Variants in TMEM229B observed in about 807,000 individuals in gnomAD.
The protein encoded by TMEM229B is chromosome 14 open reading frame 83.
TMEM229B carries 6 observed loss-of-function variants against 13.7 expected under a neutral mutation model. That is an observed-to-expected ratio of 0.44 (90% CI 0.24 to 0.86). The LOEUF (loss-of-function observed/expected upper bound fraction) is 0.86. Among genes scored for constraint, TMEM229B ranks in the 40% least tolerant of loss-of-function variants. The pLI, the probability that TMEM229B is intolerant of heterozygous loss-of-function variation, is 0.23. For synonymous variants in TMEM229B, 107 were observed against 102.1 expected, an observed-to-expected ratio of 1.05 and a Z score of -0.29; for missense variants, 170 against 236.0, an observed-to-expected ratio of 0.72 and a Z score of 1.83.
chr14:67,474,270 A>AAC (rs1383548317), intron 2 of TMEM229B, among the ~76,000 whole-genome samples: 1 of 140,038 alleles, frequency 7.1e-6, no homozygotes, highest in African/African-American at 2.8e-5. Context: ...CAAAACAAAA[A>AAC]AAAAACAGAG....
intron 2 of TMEM229B, among the ~76,000 whole-genome samples, chr14:67,480,093 G>A (rs148946903): frequency 8.5e-5 from 13 of 152,272 alleles, no homozygotes; most frequent in East Asian, 3.9e-4. Context: ...GAATGAACTC[G>A]TACATATACA....
At chr14:67,494,241 T>G (rs900499080) in intron 1 of TMEM229B, among the ~76,000 whole-genome samples, 9 of 152,222 alleles carry the variant, frequency 5.9e-5, no homozygotes. Context: ...ATTAACCATG[T>G]AATTAGACTG....
intron 1 of TMEM229B, among the ~76,000 whole-genome samples, chr14:67,526,542 C>G (rs2033370270): frequency 6.6e-6 from 1 of 152,194 alleles, no homozygotes. Flanking sequence ...AGTGTTCTAG[C>G]CCCCTTCCCT....
intron 2 of TMEM229B, among the ~76,000 whole-genome samples, chr14:67,482,357 A>G (rs17249111): frequency 0.047 from 7,201 of 152,284 alleles, 211 homozygotes; most frequent in East Asian, 0.097. Context: ...TTTTGTCAAA[A>G]ACTCCCATCT....
At chr14:67,526,535 G>T (rs1021166896) in intron 1 of TMEM229B, among the ~76,000 whole-genome samples, 1 of 152,222 alleles carries the variant, frequency 6.6e-6, no homozygotes, top group Non-Finnish European at 1.5e-5. Context: ...ACATCTCAGT[G>T]TTCTAGCCCC....
At chr14:67,485,232 C>T (rs374286196) in intron 2 of TMEM229B, among the ~76,000 whole-genome samples, 14 of 152,190 alleles carry the variant, frequency 9.2e-5, no homozygotes, top group East Asian at 3.8e-4. Context: ...TGAGGAACGA[C>T]GTTCCCACAG....
chr14:67,473,278 G>T lies in TMEM229B; in HGVS notation c.*142C>A, dbSNP rs1292762743. 31 of 1,198,322 alleles carry T rather than the reference G, an allele frequency of 2.6e-5. No individual in the cohort carries two copies. Among genetic ancestry groups the T allele is most frequent in the Non-Finnish European group, 3.5e-5 (30 of 855,138 alleles). 74.2% of individuals were successfully genotyped at this position (1,198,322 alleles called of 1,614,324 possible). On this transcript the variant is annotated 3_prime_UTR_variant, in exon 3 of 3. Transcript: ENST00000554480. This position sits in a 1 kb window ranked among gnomAD's most constrained non-coding sequence, Gnocchi z 6.5. Reference sequence around the variant, plus strand: ...CCCCCCAACACCGGCCCCCGCGGACGTTAGGGGGCTCTGTGTGCCCTATAG... The same window carrying T: ...CCCCCCAACACCGGCCCCCGCGGACTTTAGGGGGCTCTGTGTGCCCTATAG...
intron 1 of TMEM229B, among the ~76,000 whole-genome samples, chr14:67,509,590 A>T (rs946220818): frequency 1.3e-5 from 2 of 152,168 alleles, no homozygotes; most frequent in Non-Finnish European, 2.9e-5. Context: ...AAGTGCTGGG[A>T]TTACAGGCAT....
At chr14:67,520,157 G>T (rs989540687), upstream of TMEM229B, among the ~76,000 whole-genome samples, 1 of 152,136 alleles carries the variant, frequency 6.6e-6, no homozygotes, top group Non-Finnish European at 1.5e-5. Flanking sequence ...TCGTATATTT[G>T]TTACAACTGA....
At chr14:67,508,762 A>AAAAAAAAAAAAAAAAAC (rs1345627312) in intron 1 of TMEM229B, among the ~76,000 whole-genome samples, 3 of 150,356 alleles carry the variant, frequency 2.0e-5, no homozygotes, top group Non-Finnish European at 3.0e-5. Context: ...TCAAAAAAAA[A>AAAAAAAAAAAAAAAAAC]AAAAAAAAAC....
intron 1 of TMEM229B, among the ~76,000 whole-genome samples, chr14:67,520,688 G>T (rs1350373290): frequency 2.0e-5 from 3 of 149,110 alleles, no homozygotes; most frequent in Non-Finnish European, 4.5e-5. Flanking sequence ...ACTCCTTTGG[G>T]CGTACCACAG....
upstream of TMEM229B, among the ~76,000 whole-genome samples, chr14:67,518,619 C>G (rs1455747113): frequency 6.6e-6 from 1 of 152,226 alleles, no homozygotes; most frequent in Non-Finnish European, 1.5e-5. Context: ...ATGTTAGGTC[C>G]TTAGACATAT....
chr14:67,527,396 C>G (rs1354301798), intron 1 of TMEM229B, among the ~76,000 whole-genome samples: 3 of 152,148 alleles, frequency 2.0e-5, no homozygotes, highest in Admixed American at 6.5e-5. Context: ...CGATATCGCA[C>G]CATTGCACTC....
At chr14:67,516,339 C>G (rs1180942205), upstream of TMEM229B, among the ~76,000 whole-genome samples, 1 of 152,172 alleles carries the variant, frequency 6.6e-6, no homozygotes, top group East Asian at 1.9e-4. Context: ...CTCGCAAACC[C>G]TATGCATGCC....
At chr14:67,502,722 G>C (rs1393298771) in intron 1 of TMEM229B, among the ~76,000 whole-genome samples, 1 of 151,946 alleles carries the variant, frequency 6.6e-6, no homozygotes, top group Non-Finnish European at 1.5e-5. Context: ...AAAGTGCTGG[G>C]ATTATAGGCG....
Position 67,473,393 on chromosome 14 carries a change from T to A in TMEM229B, c.*27A>T. The A allele has an allele frequency of 6.2e-7, 1 of 1,606,730 alleles. No individual in the cohort carries two copies. Among genetic ancestry groups the A allele is most frequent in the Non-Finnish European group, 8.5e-7 (1 of 1,176,540 alleles). On this transcript the variant is annotated 3_prime_UTR_variant, in exon 3 of 3. Coordinates refer to ENST00000554480, the MANE Select transcript of TMEM229B (RefSeq NM_001348543.2). This position sits in a 1 kb window ranked among gnomAD's most constrained non-coding sequence, Gnocchi z 6.5. ...CTTTGTCCATGAGTTCCATGAGAGA[T>A]CCCCAGGCCCCCCACCCGCTTCCTG...
rs74056303 is a variant in TMEM229B at position 67,531,141 on chromosome 14, G to A, written c.-192+2495C>T. ...TAATATCCAAAGAAAGGGGCTCTAG[G>A]GGTGATGGTGGGTATTATAGTCCCA... On this transcript the variant is annotated intron_variant, in intron 1 of 2. Transcript: ENST00000554278. Among the ~76,000 whole-genome samples the A allele has an allele frequency of 5.6e-3, 849 of 152,254 alleles. 7 individuals are homozygous for A. Among genetic ancestry groups the A allele is most frequent in the African/African-American group, 0.019 (770 of 41,546 alleles).
chr14:67,508,649 G>A (rs1566698674), intron 1 of TMEM229B, among the ~76,000 whole-genome samples: 1 of 151,060 alleles, frequency 6.6e-6, no homozygotes, highest in Non-Finnish European at 1.5e-5. Context: ...GGAAGGCTGA[G>A]GCTAGAGGAT....
chr14:67,502,627 C>T (rs1289932435), intron 1 of TMEM229B, among the ~76,000 whole-genome samples: 1 of 151,718 alleles, frequency 6.6e-6, no homozygotes, highest in Non-Finnish European at 1.5e-5. Context: ...TAATTTTGTA[C>T]TTTTAGTAGA....
Sources: gnomAD v4.1 joint callset for allele counts (sites outside exome capture counted in the v4.1 genomes callset) on GRCh38, gnomAD v4.1.1 for gene constraint, Gnocchi (gnomAD v3.1) non-coding constraint, MANE v1.5 for transcripts, NCBI Gene and HGNC (gene_info 2026-07-23, HGNC 2026-07-21) for gene names.